CTNND2: variants seen among roughly 807,000 people sequenced by gnomAD.
The protein encoded by CTNND2 is catenin delta 2, also known as catenin delta-2.
In CTNND2, 22 loss-of-function variants were observed where a neutral mutation model predicts 144.4. That is an observed-to-expected ratio of 0.15 (90% CI 0.11 to 0.22). The LOEUF (loss-of-function observed/expected upper bound fraction) is 0.22, where lower values mean the gene tolerates loss of function less well. Ranked by LOEUF, CTNND2 falls within the 10% of genes least tolerant of loss-of-function variation. The pLI is 1.00. For missense variants in CTNND2, 1,353 were observed against 1,618.8 expected (o/e 0.84, Z 2.82); for synonymous variants, 751 against 695.6 (o/e 1.08, Z -1.25).
At chr5:11,442,853 T>A (rs1470747737) in intron 3 of CTNND2, among the ~76,000 whole-genome samples, 1 of 145,080 alleles carries the variant, frequency 6.9e-6, no homozygotes, top group African/African-American at 2.6e-5. Flanking sequence ...TATAATATAA[T>A]GATTATATTA....
chr5:11,199,382 CCT>C (rs1737195552), intron 11 of CTNND2, 64 bp downstream of exon 11: 6 of 1,394,592 alleles, frequency 4.3e-6, no homozygotes. Flanking sequence ...AGTACATTTG[CCT>C]CTGTGTTGGA....
chr5:11,439,060 A>G (rs1418558257), intron 3 of CTNND2, among the ~76,000 whole-genome samples: 2 of 152,102 alleles, frequency 1.3e-5, no homozygotes, highest in African/African-American at 4.8e-5. Flanking sequence ...GCAGACACGC[A>G]TTCTCCGACA....
At chr5:11,751,921 T>C (rs773294714) in intron 1 of CTNND2, among the ~76,000 whole-genome samples, 5 of 152,052 alleles carry the variant, frequency 3.3e-5, no homozygotes, top group Admixed American at 6.6e-5. Flanking sequence ...AGGTGTGAGA[T>C]AGTGTCTCTC....
chr5:11,277,616 C>G (rs1746679132), intron 9 of CTNND2, among the ~76,000 whole-genome samples: 1 of 151,882 alleles, frequency 6.6e-6, no homozygotes, highest in South Asian at 2.1e-4. Context: ...ACTGCAGCCT[C>G]AACCTCCGAG....
At chr5:11,651,183 G>C (rs2126536624) in intron 2 of CTNND2, among the ~76,000 whole-genome samples, 1 of 152,264 alleles carries the variant, frequency 6.6e-6, no homozygotes, top group Middle Eastern at 3.4e-3. Flanking sequence ...ACTGCTCCCT[G>C]TGTCCCAGCC....
rs3752629 is a variant in CTNND2, at chr5:11,411,819, G to A, written c.323-167C>T. On this transcript the variant is annotated intron_variant, in intron 4 of 21. Coordinates refer to ENST00000304623, the MANE Select transcript of CTNND2 (RefSeq NM_001332.4). ...TTGGTCAACCAACATTAAAGCCAAG[G>A]TCAGCAATTTCATGTACCCTTGAAG... Among the ~76,000 whole-genome samples the A allele has an allele frequency of 1.6e-4, 24 of 152,224 alleles. 1 individual carries two copies. In the East Asian group the frequency reaches 4.4e-3, roughly 28 times the overall value.
intron 9 of CTNND2, among the ~76,000 whole-genome samples, chr5:11,322,417 T>C (rs1449915288): frequency 6.6e-6 from 1 of 152,212 alleles, no homozygotes; most frequent in Non-Finnish European, 1.5e-5. Flanking sequence ...AAAGCATAGT[T>C]GCATAATAAT....
chr5:11,014,673 GA>G (rs1389312526), intron 18 of CTNND2, among the ~76,000 whole-genome samples: 2 of 152,124 alleles, frequency 1.3e-5, no homozygotes, highest in Non-Finnish European at 2.9e-5. Flanking sequence ...CACCCAGCTG[GA>G]AGAATATTCT....
At chr5:11,524,184 T>C (rs1470594743) in intron 3 of CTNND2, among the ~76,000 whole-genome samples, 1 of 152,096 alleles carries the variant, frequency 6.6e-6, no homozygotes, top group Non-Finnish European at 1.5e-5. Context: ...GCCCCACCTG[T>C]GACCTCCACC....
At chr5:11,117,851 G>A (rs1457456916) in intron 12 of CTNND2, among the ~76,000 whole-genome samples, 1 of 152,202 alleles carries the variant, frequency 6.6e-6, no homozygotes, top group Non-Finnish European at 1.5e-5. Flanking sequence ...GGGACCTTCA[G>A]AAAGTCTTCT....
chr5:11,296,278 A>G (rs1748983588), intron 9 of CTNND2, among the ~76,000 whole-genome samples: 2 of 152,086 alleles, frequency 1.3e-5, no homozygotes, highest in Admixed American at 6.6e-5. Context: ...CAAAACCACA[A>G]TGAGATACCA....
At chr5:11,758,599 CA>C (rs1462496102) in intron 1 of CTNND2, among the ~76,000 whole-genome samples, 1 of 151,902 alleles carries the variant, frequency 6.6e-6, no homozygotes, top group Non-Finnish European at 1.5e-5. Context: ...TTCAAAACTC[CA>C]AAGACAAATT....
intron 16 of CTNND2, among the ~76,000 whole-genome samples, chr5:11,037,315 C>T (rs530068569): frequency 2.0e-5 from 3 of 152,138 alleles, no homozygotes; most frequent in South Asian, 2.1e-4. Flanking sequence ...TTTTGTCACA[C>T]GATCCTAAAT....
intron 16 of CTNND2, among the ~76,000 whole-genome samples, chr5:11,074,144 G>A (rs930790436): frequency 4.6e-5 from 7 of 152,204 alleles, no homozygotes; most frequent in Non-Finnish European, 8.8e-5. Context: ...AGTAAAGAAG[G>A]TGCCTACAGT....
At chr5:11,013,054 TC>T (rs1741252656) in intron 18 of CTNND2, among the ~76,000 whole-genome samples, 1 of 152,112 alleles carries the variant, frequency 6.6e-6, no homozygotes, top group South Asian at 2.1e-4. Flanking sequence ...TCTCTCACCT[TC>T]CCCTCACGCT....
rs751360209 is a variant in CTNND2 at position 11,159,758 on chromosome 5, T to C, written c.1977A>G (p.Gly659=). ...TDLEIRELVT[G]VLWNLSSCDA... ...CGCATGAGGAGAGGTTCCAAAGGAC[T>C]CCTGCAAGAGACACACAAAAAGAGG... The change falls in exon 12 of 22, where the codon GGA becomes GGG. Residue 659 remains glycine (G), a splice_region_variant and synonymous_variant. Transcript: ENST00000304623. 1 of 1,581,540 alleles carries C rather than the reference T, an allele frequency of 6.3e-7. No homozygotes were observed. Among genetic ancestry groups the C allele is most frequent in the Non-Finnish European group, 8.6e-7 (1 of 1,162,260 alleles).
intron 3 of CTNND2, among the ~76,000 whole-genome samples, chr5:11,433,577 C>T (rs1052687787): frequency 1.3e-5 from 2 of 152,082 alleles, no homozygotes; most frequent in Non-Finnish European, 1.5e-5. Flanking sequence ...CCAATCATGG[C>T]AGAAGGAAAA....
intron 2 of CTNND2, among the ~76,000 whole-genome samples, chr5:11,649,994 G>C (rs1050854969): frequency 6.6e-6 from 1 of 152,106 alleles, no homozygotes; most frequent in Non-Finnish European, 1.5e-5. Flanking sequence ...GACAAAACTA[G>C]TATTTTTGTT....
chr5:11,217,783 T>G (rs1273275261), intron 10 of CTNND2, among the ~76,000 whole-genome samples: 1 of 152,150 alleles, frequency 6.6e-6, no homozygotes, highest in African/African-American at 2.4e-5. Context: ...TGGACTCTGG[T>G]GGTCAGTATG....
Sources: allele counts gnomAD v4.1 joint callset (sites outside exome capture counted in the v4.1 genomes callset), GRCh38; gene constraint gnomAD v4.1.1; transcripts MANE v1.5; gene names NCBI Gene and HGNC (gene_info 2026-07-23, HGNC 2026-07-21).